The following PREPL variants were observed in gnomAD, a reference collection of about 807,000 sequenced individuals.
PREPL encodes the protein prolyl endopeptidase like.
In PREPL, 77 loss-of-function variants were observed where a neutral mutation model predicts 70.6. That is an observed-to-expected ratio of 1.09 (90% CI 0.91 to 1.32). PREPL has a LOEUF of 1.32. Among genes scored for constraint, PREPL ranks in the 40% most tolerant of loss-of-function variants. The probability of loss-of-function intolerance (pLI) is 0.00; values close to 1 mark genes in which losing one functional copy is unlikely to be tolerated. For synonymous variants in PREPL, 315 were observed against 264.8 expected (o/e 1.19, Z -1.84); for missense variants, 1,002 against 778.2 (o/e 1.29, Z -3.42).
rs1329565413 is a variant in PREPL, at chr2:44,323,393, G to C, written c.1498C>G (p.Leu500Val). The change falls in exon 11 of 14, where the codon CTC (leucine) becomes GTC (valine). Residue 500 changes from leucine to valine, a missense_variant. By Grantham distance (32) the Leu-to-Val change is conservative. Transcript: ENST00000409411. ...VTLEAPFLDV[L>V]NTMMDTTLPL... ...AGTGTAGTGTCCATCATGGTGTTGAGAACATCCAAGAAAGGTGCCTAAAAA... is the reference window on the plus strand; with the variant it reads ...AGTGTAGTGTCCATCATGGTGTTGACAACATCCAAGAAAGGTGCCTAAAAA... The C allele has an allele frequency of 1.9e-6, 3 of 1,589,270 alleles. No individual in the cohort carries two copies. The highest frequency in any genetic ancestry group is 1.7e-4 in the Middle Eastern group (1 of 5,976).
chr2:44,339,479 A>T, intron 5 of PREPL, 116 bp from the exon 6 acceptor site: 1 of 1,381,580 alleles, frequency 7.2e-7, no homozygotes, highest in Non-Finnish European at 9.5e-7. Flanking sequence ...GCAGATAGGA[A>T]ATTAAAATAA....
rs1675805993 is a variant in PREPL at position 44,346,232 on chromosome 2, T to A, written c.75+36A>T. 1.9e-6 allele frequency: 3 copies of A among 1,567,904 alleles called. No individual in the cohort carries two copies. The South Asian group carries it at 3.4e-5, about 18-fold the overall frequency. Reference sequence around the variant, plus strand: ...CTCATTTGCATCTTGATTGGTAATATCAAAAATTTTTTTTTAAAGACATGA... The same window carrying A: ...CTCATTTGCATCTTGATTGGTAATAACAAAAATTTTTTTTTAAAGACATGA... On this transcript the variant is annotated intron_variant, in intron 2 of 13. Coordinates refer to ENST00000409411, the MANE Select transcript of PREPL (RefSeq NM_001171613.2).
At chr2:44,354,935 C>T (rs1676855609) in intron 1 of PREPL, among the ~76,000 whole-genome samples, 1 of 152,112 alleles carries the variant, frequency 6.6e-6, no homozygotes, top group Non-Finnish European at 1.5e-5. Flanking sequence ...TGAAATAAGT[C>T]CATCTGAAAC....
upstream of PREPL, chr2:44,361,686 C>A (rs1379570212): frequency 2.8e-5 from 9 of 324,276 alleles, no homozygotes; most frequent in Non-Finnish European, 5.0e-5. Context: ...CTTCGCTAGT[C>A]TTCTGAGCTC....
Position 44,320,145 on chromosome 2 carries a change from T to A in PREPL, c.*1211A>T. 6.9e-7 allele frequency: 1 copy of A among 1,459,106 alleles called. No individual in the cohort carries two copies. The highest frequency in any genetic ancestry group is 9.5e-7 in the Non-Finnish European group (1 of 1,057,562). 90.4% of individuals were successfully genotyped at this position (1,459,106 alleles called of 1,614,324 possible). A position where few individuals can be genotyped will look rare whatever the true frequency, so the allele number is the denominator to read the frequency against. ...CTCCTTACAATATATTAAAAATACT[T>A]ACAAACAATTCTTAGAATCAAACAC... is the stretch of plus-strand genomic sequence containing the variant. On this transcript the variant is annotated 3_prime_UTR_variant, in exon 14 of 14. Transcript: ENST00000409411.
intron 7 of PREPL, among the ~76,000 whole-genome samples, chr2:44,334,242 G>T (rs570146907): frequency 9.6e-4 from 146 of 152,198 alleles, no homozygotes; most frequent in African/African-American, 3.3e-3. Context: ...CAGGAGATAG[G>T]GAGACATTCC....
intron 1 of PREPL, among the ~76,000 whole-genome samples, chr2:44,354,856 C>G (rs576387490): frequency 6.6e-6 from 1 of 152,184 alleles, no homozygotes; most frequent in Non-Finnish European, 1.5e-5. Flanking sequence ...GGATTATAGG[C>G]GTGAGGCGCC....
chr2:44,322,668 G>A (rs1673091064), intron 12 of PREPL, 63 bp downstream of exon 12: 1 of 1,554,414 alleles, frequency 6.4e-7, no homozygotes, highest in Non-Finnish European at 8.7e-7. Flanking sequence ...ATATTCCTCT[G>A]AGCAGTGTGC....
At chr2:44,327,541 G>A (rs1673636746) in intron 9 of PREPL, among the ~76,000 whole-genome samples, 1 of 152,158 alleles carries the variant, frequency 6.6e-6, no homozygotes, top group African/African-American at 2.4e-5. Flanking sequence ...AGGGCAAGGA[G>A]GTGACAGAGC....
chr2:44,339,027 T>C lies in PREPL; in HGVS notation c.702+120A>G, dbSNP rs1572882946. 1.3e-5 allele frequency: 19 copies of C among 1,459,894 alleles called. No individual in the cohort carries two copies. In the East Asian group the frequency reaches 4.7e-4, roughly 36 times the overall value. The allele number at this position is 1,459,894 out of a possible 1,614,324, so 90.4% of individuals were successfully genotyped here. ...CTAAGGGAAAAGAAATGGGATTGGT[T>C]ATACATAGGAAGGTGGCATCAATTT... is the stretch of plus-strand genomic sequence containing the variant. On this transcript the variant is annotated intron_variant, in intron 6 of 13. Coordinates refer to ENST00000409411, the MANE Select transcript of PREPL (RefSeq NM_001171613.2).
intron 10 of PREPL, among the ~76,000 whole-genome samples, chr2:44,325,872 C>T (rs1673439976): frequency 6.6e-6 from 1 of 152,142 alleles, no homozygotes; most frequent in African/African-American, 2.4e-5. Context: ...AAACCAACTG[C>T]TACAATGTAA....
chr2:44,343,536 A>G (rs559902527), intron 4 of PREPL, among the ~76,000 whole-genome samples: 22 of 152,298 alleles, frequency 1.4e-4, no homozygotes, highest in Non-Finnish European at 2.5e-4. Flanking sequence ...ACACTTTTAA[A>G]AACATGAGTA....
At chr2:44,321,646 T>C (rs1191994996) in intron 13 of PREPL, 181 bp downstream of exon 13, 3 of 1,514,166 alleles carry the variant, frequency 2.0e-6, no homozygotes, top group Non-Finnish European at 2.7e-6. Flanking sequence ...ACGTATCAAG[T>C]ACAAGAGAGA....
At chr2:44,344,982 C>T (rs960263932) in intron 2 of PREPL, among the ~76,000 whole-genome samples, 1 of 152,228 alleles carries the variant, frequency 6.6e-6, no homozygotes, top group Admixed American at 6.5e-5. Flanking sequence ...GAAACTGTGG[C>T]TCAGACTAGC....
intron 2 of PREPL, 90 bp from the exon 3 acceptor site, chr2:44,344,676 C>A: frequency 1.0e-6 from 1 of 978,356 alleles, no homozygotes; most frequent in Non-Finnish European, 1.5e-6. Flanking sequence ...AATGAAGACT[C>A]TTATAAAAAA....
chr2:44,343,281 TATTACTA>T (rs1475434842), intron 4 of PREPL, among the ~76,000 whole-genome samples: 1 of 152,208 alleles, frequency 6.6e-6, no homozygotes, highest in East Asian at 1.9e-4. Context: ...AAGTTAGTTC[TATTACTA>T]AAAATGTCAC....
Position 44,319,632 on chromosome 2 carries a change from A to G in PREPL, c.*1724T>C, listed in dbSNP as rs1248960083. The G allele has an allele frequency of 6.5e-6, 1 of 153,160 alleles. No homozygotes were observed. Among genetic ancestry groups the G allele is most frequent in the East Asian group, 1.9e-4 (1 of 5,212 alleles). The allele number at this position is 153,160 out of a possible 1,614,324, so 9.5% of individuals were successfully genotyped here. ...AACACATACTATTATGGTAAAAAAA[A>G]GTCTACAATTTCTAACTTTCACCTT... On this transcript the variant is annotated 3_prime_UTR_variant, in exon 14 of 14. Coordinates refer to ENST00000409411, the MANE Select transcript of PREPL (RefSeq NM_001171613.2).
In PREPL at chr2:44,338,154, G is replaced by A. The variant is rs4953092; in HGVS notation, c.888+197C>T. Among the ~76,000 whole-genome samples the A allele has an allele frequency of 0.61, 93,506 of 152,050 alleles. 29,366 individuals carry two copies. The highest frequency in any genetic ancestry group is 0.68 in the Non-Finnish European group (46,183 of 67,974). On this transcript the variant is annotated intron_variant, in intron 7 of 13. Transcript: ENST00000409411. ...ATAAGACACTATCTTAAGTAAAACTGCATAAAAAGCAAGATCCTCTAAGTA... is the reference window on the plus strand; with the variant it reads ...ATAAGACACTATCTTAAGTAAAACTACATAAAAAGCAAGATCCTCTAAGTA...
chr2:44,317,926 A>G lies in PREPL; in HGVS notation c.*3430T>C, dbSNP rs1672566878. ...ACAGACATAAGAAACACTAACATAA[A>G]ACACAAAGAATTAAAATGAAGATAT... On this transcript the variant is annotated 3_prime_UTR_variant, in exon 14 of 14. Coordinates refer to ENST00000409411, the MANE Select transcript of PREPL (RefSeq NM_001171613.2). 4.0e-6 allele frequency: 1 copy of G among 251,764 alleles called. No individual in the cohort carries two copies. Among genetic ancestry groups the G allele is most frequent in the Middle Eastern group, 1.1e-3 (1 of 918 alleles). 15.6% of individuals were successfully genotyped at this position (251,764 alleles called of 1,614,324 possible).
Sources: gnomAD v4.1 joint callset for allele counts (sites outside exome capture counted in the v4.1 genomes callset) on GRCh38, gnomAD v4.1.1 for gene constraint, MANE v1.5 for transcripts, NCBI Gene and HGNC (gene_info 2026-07-23, HGNC 2026-07-21) for gene names.